The following CAMTA1 variants were observed in gnomAD, a reference collection of about 807,000 sequenced individuals.
The protein encoded by CAMTA1 is calmodulin-binding transcription activator 1.
In CAMTA1, 27 loss-of-function variants were observed where a neutral mutation model predicts 170.9. The ratio of observed to expected loss-of-function variants is 0.16; its 90% CI spans 0.12 to 0.22. The LOEUF (loss-of-function observed/expected upper bound fraction) is 0.22, where lower values mean the gene tolerates loss of function less well. Ranked by LOEUF, CAMTA1 falls within the 10% of genes least tolerant of loss-of-function variation. The pLI, the probability that CAMTA1 is intolerant of heterozygous loss-of-function variation, is 1.00. For missense variants in CAMTA1, 1,619 were observed against 2,217.2 expected (o/e 0.73, Z 5.42); for synonymous variants, 833 against 891.5 (o/e 0.93, Z 1.17).
chr1:6,982,995 TGGAGCGG>T (rs1367602893), intron 3 of CAMTA1, among the ~76,000 whole-genome samples: 1 of 152,196 alleles, frequency 6.6e-6, no homozygotes, highest in Non-Finnish European at 1.5e-5. Flanking sequence ...GAGTCCTTTC[TGGAGCGG>T]GGAGCCTCTG....
intron 4 of CAMTA1, among the ~76,000 whole-genome samples, chr1:7,121,926 C>G (rs1318016054): frequency 6.6e-6 from 1 of 151,996 alleles, no homozygotes. Context: ...GCCTTTGACC[C>G]TCTTCCTCTC....
At chr1:6,926,598 C>G (rs1174002927) in intron 3 of CAMTA1, among the ~76,000 whole-genome samples, 1 of 129,170 alleles carries the variant, frequency 7.7e-6, no homozygotes, top group African/African-American at 2.9e-5. Flanking sequence ...CTTTCCTTTC[C>G]TCTCTCTCTC....
chr1:6,949,812 G>A (rs540414537), intron 3 of CAMTA1, among the ~76,000 whole-genome samples: 61 of 152,372 alleles, frequency 4.0e-4, no homozygotes, highest in Admixed American at 8.5e-4. Context: ...GTGCAAAAGG[G>A]AGGGCAGTGA....
At chr1:7,577,356 C>T (rs907759588) in intron 6 of CAMTA1, among the ~76,000 whole-genome samples, 27 of 152,132 alleles carry the variant, frequency 1.8e-4, no homozygotes, top group African/African-American at 6.3e-4. Flanking sequence ...GTAGCCCCAA[C>T]CTCTCCCAGC....
At chr1:7,053,583 G>A (rs59952025) in intron 3 of CAMTA1, among the ~76,000 whole-genome samples, 6,376 of 152,174 alleles carry the variant, frequency 0.042, 441 homozygotes, top group African/African-American at 0.15. Flanking sequence ...GACAGGATCT[G>A]CACCCCCACC....
At chr1:7,263,088 A>G (rs1486696254) in intron 5 of CAMTA1, among the ~76,000 whole-genome samples, 1 of 149,074 alleles carries the variant, frequency 6.7e-6, no homozygotes, top group Non-Finnish European at 1.5e-5. Flanking sequence ...TTTTGGCCGC[A>G]TTTTTTTTTT....
intron 19 of CAMTA1, among the ~76,000 whole-genome samples, chr1:7,749,540 A>T (rs576915659): frequency 4.2e-4 from 61 of 145,152 alleles, no homozygotes; most frequent in South Asian, 6.5e-4. Flanking sequence ...TTGGTTTTTT[A>T]AAAAAAAAAA....
intron 5 of CAMTA1, among the ~76,000 whole-genome samples, chr1:7,374,058 T>TC (rs1255885552): frequency 2.0e-5 from 3 of 152,004 alleles, no homozygotes; most frequent in Non-Finnish European, 4.4e-5. Context: ...AGAGCCTGCC[T>TC]CCCCGCCTCA....
At chr1:7,383,959 A>G (rs2087647579) in intron 5 of CAMTA1, among the ~76,000 whole-genome samples, 1 of 152,128 alleles carries the variant, frequency 6.6e-6, no homozygotes, top group African/African-American at 2.4e-5. Context: ...GCAAAGTCCA[A>G]AGGTGACCAC....
rs1480077165 is a variant in CAMTA1, at chr1:7,641,839, G to A, written c.664+1286G>A. Among the ~76,000 whole-genome samples, 1 of 152,086 alleles carries A rather than the reference G, an allele frequency of 6.6e-6. No homozygotes were observed. Among genetic ancestry groups the A allele is most frequent in the East Asian group, 1.9e-4 (1 of 5,188 alleles). ...CTCCTGAGCTCAGACCACACCCAGT[G>A]GCAACCTTCTTAACTGCAGCCCTGA... On this transcript the variant is annotated intron_variant, in intron 7 of 22. Transcript: ENST00000303635. The surrounding 1 kb of genome is among the most constrained non-coding windows in gnomAD (Gnocchi z 4.5).
At chr1:7,477,688 C>A (rs374490802) in intron 6 of CAMTA1, among the ~76,000 whole-genome samples, 1 of 152,216 alleles carries the variant, frequency 6.6e-6, no homozygotes, top group Non-Finnish European at 1.5e-5. Flanking sequence ...CTTCACCCCT[C>A]CCCGCCTCTG....
In CAMTA1 at chr1:6,970,138, A is replaced by T. The variant is rs904294378; in HGVS notation, c.235-121166A>T. ...TCTCTGTAAGACTATTTTAAATTAC[A>T]AATGTATTTTTGTTATAAAATTATA... is the stretch of plus-strand genomic sequence containing the variant. On this transcript the variant is annotated intron_variant, in intron 3 of 22. Coordinates refer to ENST00000303635, the MANE Select transcript of CAMTA1 (RefSeq NM_015215.4). The surrounding 1 kb of genome is among the most constrained non-coding windows in gnomAD (Gnocchi z 4.4). Among the ~76,000 whole-genome samples the T allele has an allele frequency of 6.6e-6, 1 of 152,214 alleles. No individual in the cohort carries two copies. The highest frequency in any genetic ancestry group is 1.5e-5 in the Non-Finnish European group (1 of 68,036).
At chr1:7,655,877 G>A (rs1448203576) in intron 7 of CAMTA1, among the ~76,000 whole-genome samples, 2 of 152,218 alleles carry the variant, frequency 1.3e-5, no homozygotes, top group East Asian at 3.8e-4. Flanking sequence ...CCCCCATGCG[G>A]GGTGTGTTAT....
At chr1:7,691,695 C>T (rs1320803824) in intron 11 of CAMTA1, among the ~76,000 whole-genome samples, 2 of 152,014 alleles carry the variant, frequency 1.3e-5, no homozygotes, top group Non-Finnish European at 2.9e-5. Context: ...TGTGAAAAGT[C>T]AATGGCAGGT....
chr1:7,601,722 C>A (rs945115761), intron 6 of CAMTA1, among the ~76,000 whole-genome samples: 1 of 152,242 alleles, frequency 6.6e-6, no homozygotes, highest in African/African-American at 2.4e-5. Context: ...GCGGATCCCT[C>A]GCGGTTAGGA....
At chr1:7,446,497 C>G (rs74053280) in intron 5 of CAMTA1, among the ~76,000 whole-genome samples, 4 of 152,080 alleles carry the variant, frequency 2.6e-5, no homozygotes, top group Non-Finnish European at 5.9e-5. Flanking sequence ...GCTGAGAGAC[C>G]GGGAGGGGAA....
At chr1:7,515,703 C>T (rs1434912044) in intron 6 of CAMTA1, among the ~76,000 whole-genome samples, 1 of 152,140 alleles carries the variant, frequency 6.6e-6, no homozygotes, top group East Asian at 1.9e-4. Context: ...TCCCAAGTTC[C>T]CCTCCTTCGT....
intron 3 of CAMTA1, among the ~76,000 whole-genome samples, chr1:6,877,974 C>G (rs1046383691): frequency 5.9e-5 from 9 of 152,212 alleles, no homozygotes; most frequent in Admixed American, 5.9e-4. Context: ...CATTAACTGT[C>G]TTTTCATTTC....
chr1:6,834,581 C>T, intron 3 of CAMTA1: 1 of 187,752 alleles, frequency 5.3e-6, no homozygotes, highest in South Asian at 1.1e-4. Context: ...TGTGTGTGTC[C>T]TATTGCAACA....
Sources: gnomAD v4.1 joint callset for allele counts (sites outside exome capture counted in the v4.1 genomes callset) on GRCh38, gnomAD v4.1.1 for gene constraint, Gnocchi (gnomAD v3.1) non-coding constraint, MANE v1.5 for transcripts, NCBI Gene and HGNC (gene_info 2026-07-23, HGNC 2026-07-21) for gene names.